MEGF8: variants seen among roughly 807,000 people sequenced by gnomAD.
MEGF8 encodes the protein multiple EGF like domains 8.
MEGF8 carries 156 observed loss-of-function variants against 302.9 expected under a neutral mutation model. That is an observed-to-expected ratio of 0.52 (90% CI 0.45 to 0.59). The LOEUF (loss-of-function observed/expected upper bound fraction) is 0.59. Among genes scored for constraint, MEGF8 ranks in the 20% least tolerant of loss-of-function variants. The pLI is 0.00. For synonymous variants in MEGF8, 1,621 were observed against 1,660.5 expected, an observed-to-expected ratio of 0.98 and a Z score of 0.58; for missense variants, 3,345 against 3,964.5, an observed-to-expected ratio of 0.84 and a Z score of 4.20.
In MEGF8 at chr19:42,375,444, C is replaced by A; in HGVS notation, c.7270-63C>A. The A allele has an allele frequency of 6.8e-7, 1 of 1,460,990 alleles. No homozygotes were observed. The highest frequency in any genetic ancestry group is 9.2e-7 in the Non-Finnish European group (1 of 1,092,894). The allele number at this position is 1,460,990 out of a possible 1,614,324, so 90.5% of individuals were successfully genotyped here. On this transcript the variant is annotated intron_variant, in intron 41 of 41. Coordinates refer to ENST00000251268, the MANE Select transcript of MEGF8 (RefSeq NM_001271938.2). The surrounding 1 kb of genome is among the most constrained non-coding windows in gnomAD (Gnocchi z 7.1). ...GGGTATAGAGTATTCGTCACTGCTG[C>A]TTGGGGGACAGGCTGGCACCGCACT...
chr19:42,352,712 T>C lies in MEGF8; in HGVS notation c.3351-216T>C. The stretch of plus-strand genomic sequence containing the variant: ...GTTGCCATGGAGGCGGAGGAGGACC[T>C]AGTTGAAAGAGGTTTTCACAGTGGT... On this transcript the variant is annotated intron_variant, in intron 19 of 41. Coordinates refer to ENST00000251268, the MANE Select transcript of MEGF8 (RefSeq NM_001271938.2). The surrounding 1 kb of genome is among the most constrained non-coding windows in gnomAD (Gnocchi z 4.4). The C allele has an allele frequency of 1.6e-6, 1 of 638,904 alleles. No individual in the cohort carries two copies. The highest frequency in any genetic ancestry group is 2.7e-6 in the Non-Finnish European group (1 of 372,134). 39.6% of individuals were successfully genotyped at this position (638,904 alleles called of 1,614,324 possible).
At position 42,361,056 on chromosome 19, in the gene MEGF8, G is replaced by C. The variant is rs1048755192; in HGVS notation, c.5720+50G>C. The stretch of plus-strand genomic sequence containing the variant: ...AGTGGGGAGTGGAGCCCTCTAATGG[G>C]GGTCCTGTGCTAGGCCACACCAGGA... On this transcript the variant is annotated intron_variant, in intron 32 of 41. Transcript: ENST00000251268. 7 of 1,505,468 alleles carry C rather than the reference G, an allele frequency of 4.6e-6. No individual in the cohort carries two copies. In the African/African-American group the frequency reaches 9.8e-5, roughly 21 times the overall value. The allele number at this position is 1,505,468 out of a possible 1,614,324, so 93.3% of individuals were successfully genotyped here.
chr19:42,334,934 T>G, intron 3 of MEGF8, 101 bp from the exon 4 acceptor site: 3 of 1,174,090 alleles, frequency 2.6e-6, no homozygotes, highest in Non-Finnish European at 1.2e-6. Context: ...CTTTGTGCCC[T>G]GTCTGTCTCA....
chr19:42,352,436 C>T lies in MEGF8; in HGVS notation c.3330C>T (p.Gly1110=). ...GCCAGCGGGGCTACCAGGGTGATGG[C>T]ATCTCACACTGCAACCGCACGTGAG... is the stretch of plus-strand genomic sequence containing the variant. The part of the protein sequence containing the change: ...CHCQRGYQGD[G]ISHCNRTCLE... The change falls in exon 19 of 42, where the codon GGC becomes GGT. Residue 1110 remains glycine, a synonymous_variant. Coordinates refer to ENST00000251268, the MANE Select transcript of MEGF8 (RefSeq NM_001271938.2). The surrounding 1 kb of genome is among the most constrained non-coding windows in gnomAD (Gnocchi z 4.4). 6.3e-7 allele frequency: 1 copy of T among 1,598,070 alleles called. No homozygotes were observed. Among genetic ancestry groups the T allele is most frequent in the Non-Finnish European group, 8.5e-7 (1 of 1,172,200 alleles).
chr19:42,375,438 C>T lies in MEGF8; in HGVS notation c.7270-69C>T. ...AGCAGTGGGTATAGAGTATTCGTCA[C>T]TGCTGCTTGGGGGACAGGCTGGCAC... On this transcript the variant is annotated intron_variant, in intron 41 of 41. Coordinates refer to ENST00000251268, the MANE Select transcript of MEGF8 (RefSeq NM_001271938.2). This position sits in a 1 kb window ranked among gnomAD's most constrained non-coding sequence, Gnocchi z 7.1. 1 of 1,444,376 alleles carries T rather than the reference C, an allele frequency of 6.9e-7. No homozygotes were observed. The highest frequency in any genetic ancestry group is 9.3e-7 in the Non-Finnish European group (1 of 1,080,528). 89.5% of individuals were successfully genotyped at this position (1,444,376 alleles called of 1,614,324 possible).
In MEGF8 at chr19:42,349,714, C is replaced by G. The variant is rs762785862; in HGVS notation, c.2499+15C>G. On this transcript the variant is annotated intron_variant, in intron 14 of 41. Coordinates refer to ENST00000251268, the MANE Select transcript of MEGF8 (RefSeq NM_001271938.2). ...CAGGAGGCAGCGTGAGTACCCAGGA[C>G]CTACCTCCAACCCTAGCCGCAGGCC... The G allele has an allele frequency of 3.0e-5, 49 of 1,606,870 alleles. No homozygotes were observed. The highest frequency in any genetic ancestry group is 4.1e-5 in the Non-Finnish European group (48 of 1,176,542).
rs111624233 is a variant in MEGF8 at position 42,356,321 on chromosome 19, G to T, written c.4504-14G>T. 1.2e-6 allele frequency: 2 copies of T among 1,606,068 alleles called. No individual in the cohort carries two copies. Among genetic ancestry groups the T allele is most frequent in the Non-Finnish European group, 1.7e-6 (2 of 1,176,712 alleles). The stretch of plus-strand genomic sequence containing the variant: ...GACCCTAGCCTGATCCCCAATGTCC[G>T]CACCCACCCCTAGGACACTGCCAGC... On this transcript the variant is annotated splice_polypyrimidine_tract_variant and intron_variant, in intron 25 of 41. Transcript: ENST00000251268. The surrounding 1 kb of genome is among the most constrained non-coding windows in gnomAD (Gnocchi z 5.2).
chr19:42,352,574 C>T lies in MEGF8; in HGVS notation c.3350+118C>T, dbSNP rs956425387. 8.2e-6 allele frequency: 11 copies of T among 1,343,510 alleles called. No homozygotes were observed. The African/African-American group carries it at 1.5e-4, about 18-fold the overall frequency. The allele number at this position is 1,343,510 out of a possible 1,614,324, so 83.2% of individuals were successfully genotyped here. ...CTGTGGAACCAGCATCCCCAGTTAG[C>T]CAGGGGTTTTTACCTTGCACACTAG... On this transcript the variant is annotated intron_variant, in intron 19 of 41. Coordinates refer to ENST00000251268, the MANE Select transcript of MEGF8 (RefSeq NM_001271938.2). The surrounding 1 kb of genome is among the most constrained non-coding windows in gnomAD (Gnocchi z 4.4).
rs1340317834 is a variant in MEGF8, at chr19:42,358,583, C to T, written c.5176-204C>T. Among the ~76,000 whole-genome samples, 2 of 152,168 alleles carry T rather than the reference C, an allele frequency of 1.3e-5. No homozygotes were observed. Among genetic ancestry groups the T allele is most frequent in the East Asian group, 1.9e-4 (1 of 5,190 alleles). On this transcript the variant is annotated intron_variant, in intron 29 of 41. Transcript: ENST00000251268. This position sits in a 1 kb window ranked among gnomAD's most constrained non-coding sequence, Gnocchi z 4.4. ...CTTCCCCGTCCTGGGTTTTTCCACT[C>T]GTATAAACCAGGACTGAGGCTCCCC...
Position 42,356,952 on chromosome 19 carries a change from C to T in MEGF8, c.4801C>T (p.Leu1601Phe). 1 of 1,609,352 alleles carries T rather than the reference C, an allele frequency of 6.2e-7. No individual in the cohort carries two copies. The highest frequency in any genetic ancestry group is 8.5e-7 in the Non-Finnish European group (1 of 1,178,146). The change falls in exon 27 of 42, where the codon CTC (leucine) becomes TTC (phenylalanine). Residue 1601 changes from leucine to phenylalanine, a missense_variant. Coordinates refer to ENST00000251268, the MANE Select transcript of MEGF8 (RefSeq NM_001271938.2). The surrounding 1 kb of genome is among the most constrained non-coding windows in gnomAD (Gnocchi z 5.2). The stretch of plus-strand genomic sequence containing the variant: ...CACCCGTGATTTCTGGGTCCTCAAC[C>T]TCACCACCCTGCAATGGCGGCAGGA... ...GVTRDFWVLN[L>F]TTLQWRQEKA...
Position 42,345,766 on chromosome 19 carries a change from G to A in MEGF8, c.2097+933G>A, listed in dbSNP as rs1472180362. ...TGCTGGTATGAGCACTTGTGTACACGTTTTTGTTTGAACATCTGTTTTCAA... is the reference window on the plus strand; with the variant it reads ...TGCTGGTATGAGCACTTGTGTACACATTTTTGTTTGAACATCTGTTTTCAA... On this transcript the variant is annotated intron_variant, in intron 12 of 41. Coordinates refer to ENST00000251268, the MANE Select transcript of MEGF8 (RefSeq NM_001271938.2). 3.3e-5 allele frequency among the ~76,000 whole-genome samples: 5 copies of A among 152,178 alleles called. No homozygotes were observed. In the South Asian group the frequency reaches 8.3e-4, roughly 25 times the overall value.
intron 1 of MEGF8, among the ~76,000 whole-genome samples, chr19:42,329,653 G>A (rs1348996174): frequency 6.6e-6 from 1 of 152,144 alleles, no homozygotes; most frequent in Non-Finnish European, 1.5e-5. Flanking sequence ...CTCGAGCCCA[G>A]GAGTTAGAGA....
intron 35 of MEGF8, among the ~76,000 whole-genome samples, chr19:42,365,243 C>T (rs2039587461): frequency 6.6e-6 from 1 of 152,038 alleles, no homozygotes; most frequent in Non-Finnish European, 1.5e-5. Flanking sequence ...GTCCTGCGGG[C>T]ATGCGCTGTT....
At chr19:42,331,897 C>T (rs1377966013) in intron 1 of MEGF8, among the ~76,000 whole-genome samples, 5 of 150,066 alleles carry the variant, frequency 3.3e-5, no homozygotes, top group South Asian at 2.1e-4. Context: ...TCCCCTCTGT[C>T]GCCCAGGCTG....
chr19:42,354,149 A>C lies in MEGF8; in HGVS notation c.4011+125A>C. On this transcript the variant is annotated intron_variant, in intron 22 of 41. Transcript: ENST00000251268. This position sits in a 1 kb window ranked among gnomAD's most constrained non-coding sequence, Gnocchi z 4.3. ...TTTTTTTTGTTTTTTTAATCCTTCA[A>C]AACCCAAACTCCTCCTCAGATCCCC... 8.3e-7 allele frequency: 1 copy of C among 1,200,460 alleles called. No individual in the cohort carries two copies. The highest frequency in any genetic ancestry group is 1.1e-6 in the Non-Finnish European group (1 of 887,828). 74.4% of individuals were successfully genotyped at this position (1,200,460 alleles called of 1,614,324 possible). A position where few individuals can be genotyped will look rare whatever the true frequency, so the allele number is the denominator to read the frequency against.
In MEGF8 at chr19:42,354,294, G is replaced by C. The variant is rs1409025126; in HGVS notation, c.4011+270G>C. Among the ~76,000 whole-genome samples, 1 of 151,966 alleles carries C rather than the reference G, an allele frequency of 6.6e-6. No individual in the cohort carries two copies. The highest frequency in any genetic ancestry group is 1.5e-5 in the Non-Finnish European group (1 of 68,006). ...TCTCCCCATTCCTAGAGCAGGAATGGTAAATTGTTACACCTTGTACACCAA... is the reference window on the plus strand; with the variant it reads ...TCTCCCCATTCCTAGAGCAGGAATGCTAAATTGTTACACCTTGTACACCAA... On this transcript the variant is annotated intron_variant, in intron 22 of 41. Coordinates refer to ENST00000251268, the MANE Select transcript of MEGF8 (RefSeq NM_001271938.2). This position sits in a 1 kb window ranked among gnomAD's most constrained non-coding sequence, Gnocchi z 4.3.
At position 42,375,781 on chromosome 19, in the gene MEGF8, T is replaced by C. The variant is rs1276546861; in HGVS notation, c.7544T>C (p.Val2515Ala). 2.5e-6 allele frequency: 4 copies of C among 1,612,988 alleles called. No homozygotes were observed. The highest frequency in any genetic ancestry group is 2.5e-6 in the Non-Finnish European group (3 of 1,179,818). The change falls in exon 42 of 42, where the codon GTG (valine) becomes GCG (alanine). Residue 2515 changes from valine (V) to alanine (A), a missense_variant. Val to Ala is a moderately conservative substitution (Grantham distance 64, BLOSUM62 0). Coordinates refer to ENST00000251268, the MANE Select transcript of MEGF8 (RefSeq NM_001271938.2). This position sits in a 1 kb window ranked among gnomAD's most constrained non-coding sequence, Gnocchi z 7.1. ...TCCTATGACACCTTCGTGGTCCGTGTGGCCCCTGACACTGGCGTCCATACT... is the reference window on the plus strand; with the variant it reads ...TCCTATGACACCTTCGTGGTCCGTGCGGCCCCTGACACTGGCGTCCATACT... ...STSYDTFVVR[V>A]APDTGVHTVH...
Position 42,353,853 on chromosome 19 carries a change from C to T in MEGF8, c.3840C>T (p.Arg1280=), listed in dbSNP as rs1401503453. The T allele has an allele frequency of 6.2e-7, 1 of 1,606,898 alleles. No homozygotes were observed. Among genetic ancestry groups the T allele is most frequent in the Non-Finnish European group, 8.5e-7 (1 of 1,176,904 alleles). ...TNVSSVALGS[R]RVGGLLPPGG... is the part of the protein sequence containing the mutation. ...TGTCCTCAGTGGCACTGGGCTCACGCCGGGTCGGGGGGCTGCTGCCTCCAG... is the reference window on the plus strand; with the variant it reads ...TGTCCTCAGTGGCACTGGGCTCACGTCGGGTCGGGGGGCTGCTGCCTCCAG... The change falls in exon 22 of 42, where the codon CGC becomes CGT. Residue 1280 remains arginine, a synonymous_variant. Coordinates refer to ENST00000251268, the MANE Select transcript of MEGF8 (RefSeq NM_001271938.2). The surrounding 1 kb of genome is among the most constrained non-coding windows in gnomAD (Gnocchi z 6.1).
rs2039687597 is a variant in MEGF8, at chr19:42,371,304, C to T, written c.7137-46C>T. 1.9e-6 allele frequency: 3 copies of T among 1,605,426 alleles called. No individual in the cohort carries two copies. The African/African-American group carries it at 4.0e-5, about 21-fold the overall frequency. ...TCACATATGGGGTGTCCATCCTGGA[C>T]CACTGCAGGCCATGGGGGCTCCGTA... On this transcript the variant is annotated intron_variant, in intron 40 of 41. Coordinates refer to ENST00000251268, the MANE Select transcript of MEGF8 (RefSeq NM_001271938.2).
Sources: allele counts gnomAD v4.1 joint callset (sites outside exome capture counted in the v4.1 genomes callset), GRCh38; gene constraint gnomAD v4.1.1; non-coding constraint Gnocchi (gnomAD v3.1); transcripts MANE v1.5; gene names NCBI Gene and HGNC (gene_info 2026-07-23, HGNC 2026-07-21).